SGCD: variants seen among roughly 807,000 people sequenced by gnomAD.
SGCD encodes the protein delta-sarcoglycan.
In SGCD, 18 loss-of-function variants were observed where a neutral mutation model predicts 36.6. The ratio of observed to expected loss-of-function variants is 0.49; its 90% confidence interval spans 0.34 to 0.73. The LOEUF (loss-of-function observed/expected upper bound fraction) is 0.73, where lower values mean the gene tolerates loss of function less well. SGCD is among the 30% of genes least tolerant of loss of function. The pLI is 0.01. For synonymous variants in SGCD, 133 were observed against 130.6 expected (o/e 1.02, Z -0.12); for missense variants, 387 against 346.7 (o/e 1.12, Z -0.92).
At chr5:155,928,693 TA>T (rs1554104917) in intron 1 of SGCD, among the ~76,000 whole-genome samples, 2 of 36,580 alleles carry the variant, frequency 5.5e-5, no homozygotes, top group Non-Finnish European at 1.7e-4. Flanking sequence ...AAAAAAGAGG[TA>T]AAAAAAATAC....
intron 1 of SGCD, among the ~76,000 whole-genome samples, chr5:155,956,437 T>C (rs4704890): frequency 0.052 from 7,912 of 152,190 alleles, 705 homozygotes; most frequent in African/African-American, 0.18. Context: ...CTCTGACGGA[T>C]GATGGCTGCT....
rs1215936749 is a variant in SGCD at position 156,757,645 on chromosome 5, G to A, written c.640G>A (p.Ala214Thr). The change falls in exon 8 of 9, where the codon GCT becomes ACT. Residue 214 changes from alanine to threonine, a missense_variant. Ala to Thr is a moderately conservative substitution (Grantham distance 58). Transcript: ENST00000337851. ...AAAAGGAGTGGAAATCAATGCAGAA[G>A]CTGGCAATATGGAAGCCACCTGCAG... ...APKGVEINAE[A>T]GNMEATCRTE... The A allele has an allele frequency of 6.2e-7, 1 of 1,610,982 alleles. No homozygotes were observed. Among genetic ancestry groups the A allele is most frequent in the Non-Finnish European group, 8.5e-7 (1 of 1,178,628 alleles).
the SGCD span, among the ~76,000 whole-genome samples, chr5:155,818,324 AAAAG>A: frequency 1.3e-5 from 2 of 152,098 alleles, no homozygotes; most frequent in Non-Finnish European, 2.9e-5. Flanking sequence ...GGGTATTCCA[AAAAG>A]AAAGGCCAGC....
rs1016739215 is a variant in SGCD, at chr5:156,292,272, C to T, written c.-43-37262C>T. Among the ~76,000 whole-genome samples the T allele has an allele frequency of 2.6e-5, 4 of 152,118 alleles. No individual in the cohort carries two copies. The East Asian group carries it at 5.8e-4, about 22-fold the overall frequency. ...AAACTCAAACCCTATACCCGTTAAA[C>T]AATAATTTCACCTGCCCCTCAGGCC... On this transcript the variant is annotated intron_variant, in intron 3 of 9. Transcript: ENST00000517913.
chr5:155,842,631 G>A, the SGCD span, among the ~76,000 whole-genome samples: 1 of 151,954 alleles, frequency 6.6e-6, no homozygotes, highest in Non-Finnish European at 1.5e-5. Flanking sequence ...TTCAAAAGAT[G>A]CTTGTTGGTG....
intron 1 of SGCD, among the ~76,000 whole-genome samples, chr5:156,000,870 A>C (rs1758650454): frequency 6.6e-6 from 1 of 151,748 alleles, no homozygotes; most frequent in Non-Finnish European, 1.5e-5. Context: ...GGGGCCTAAG[A>C]ATTTGCGTAT....
intron 1 of SGCD, among the ~76,000 whole-genome samples, chr5:155,899,661 G>A (rs1440692748): frequency 6.6e-6 from 1 of 152,070 alleles, no homozygotes; most frequent in Non-Finnish European, 1.5e-5. Context: ...TTCCTGTTTA[G>A]ACCACCCCCC....
chr5:155,914,184 G>GT (rs1419787711), intron 1 of SGCD, among the ~76,000 whole-genome samples: 1 of 152,090 alleles, frequency 6.6e-6, no homozygotes, highest in Admixed American at 6.6e-5. Context: ...TATTATTGTG[G>GT]TTTTTAGGTG....
rs374901444 is a variant in SGCD, at chr5:156,187,165, A to T, written c.-44+63146A>T. ...TATAAACAGGATAATAGAGATAATCATAAACCAAGTTAAATGACCACAGCA... is the reference window on the plus strand; with the variant it reads ...TATAAACAGGATAATAGAGATAATCTTAAACCAAGTTAAATGACCACAGCA... On this transcript the variant is annotated intron_variant, in intron 3 of 9. Transcript: ENST00000517913. 1.5e-4 allele frequency among the ~76,000 whole-genome samples: 23 copies of T among 152,332 alleles called. No homozygotes were observed. In the South Asian group the frequency reaches 3.9e-3, roughly 26 times the overall value.
chr5:155,916,269 T>TA (rs1158263877), intron 1 of SGCD, among the ~76,000 whole-genome samples: 3 of 152,094 alleles, frequency 2.0e-5, no homozygotes, highest in Admixed American at 6.5e-5. Flanking sequence ...TAGCAAAACA[T>TA]AAAAAAACAG....
chr5:155,835,030 CAG>C, the SGCD span, among the ~76,000 whole-genome samples: 21 of 25,524 alleles, frequency 8.2e-4, no homozygotes, highest in East Asian at 2.6e-3. Flanking sequence ...TTTTTTGAGA[CAG>C]AGTCTTTCTC....
intron 3 of SGCD, among the ~76,000 whole-genome samples, chr5:156,413,910 A>G (rs2045538658): frequency 1.3e-5 from 2 of 152,060 alleles, no homozygotes. Flanking sequence ...GATGGAGGAC[A>G]CAGTACTGAG....
At chr5:156,073,203 G>A (rs767465554) in intron 1 of SGCD, among the ~76,000 whole-genome samples, 6 of 152,128 alleles carry the variant, frequency 3.9e-5, no homozygotes, top group Non-Finnish European at 7.3e-5. Flanking sequence ...ACACGACGGA[G>A]TAGATGCAAA....
chr5:155,942,485 C>A (rs1757349258), intron 1 of SGCD, among the ~76,000 whole-genome samples: 1 of 152,030 alleles, frequency 6.6e-6, no homozygotes, highest in Admixed American at 6.6e-5. Flanking sequence ...AGAGAGAATT[C>A]TAGAAAGGAC....
the SGCD span, among the ~76,000 whole-genome samples, chr5:155,812,886 G>A: frequency 6.6e-6 from 1 of 152,112 alleles, no homozygotes; most frequent in African/African-American, 2.4e-5. Context: ...ACCATTCAGG[G>A]AACAAATCAG....
At chr5:156,442,928 G>A (rs1038607508) in intron 3 of SGCD, among the ~76,000 whole-genome samples, 4 of 152,140 alleles carry the variant, frequency 2.6e-5, no homozygotes, top group African/African-American at 9.7e-5. Flanking sequence ...TAGCTGTGAT[G>A]GAGCAAAAGA....
chr5:156,277,708 T>A (rs183928325), intron 3 of SGCD, among the ~76,000 whole-genome samples: 16 of 152,296 alleles, frequency 1.1e-4, no homozygotes, highest in Admixed American at 1.0e-3. Context: ...AATAATTAGG[T>A]TGTTTTTGCC....
intron 1 of SGCD, among the ~76,000 whole-genome samples, chr5:155,984,570 G>T (rs948447103): frequency 4.6e-5 from 7 of 152,204 alleles, no homozygotes; most frequent in Non-Finnish European, 5.9e-5. Flanking sequence ...AAAGACTCAT[G>T]ATGTAGCTTT....
Position 156,349,379 on chromosome 5 carries a change from G to A in SGCD, c.192+4702G>A, listed in dbSNP as rs545487726. Among the ~76,000 whole-genome samples, 45 of 151,318 alleles carry A rather than the reference G, an allele frequency of 3.0e-4. No homozygotes were observed. The South Asian group carries it at 8.3e-3, about 28-fold the overall frequency. On this transcript the variant is annotated intron_variant, in intron 3 of 8. Transcript: ENST00000337851. ...GACAAAACGACTAATATTCAGAATCGATAAGGAACTCTAAACAAGAAAAAA... is the reference window on the plus strand; with the variant it reads ...GACAAAACGACTAATATTCAGAATCAATAAGGAACTCTAAACAAGAAAAAA...
Sources: allele counts gnomAD v4.1 joint callset (sites outside exome capture counted in the v4.1 genomes callset), GRCh38; gene constraint gnomAD v4.1.1; transcripts MANE v1.5; gene names NCBI Gene and HGNC (gene_info 2026-07-23, HGNC 2026-07-21).